Variants in SYN3 observed in about 807,000 individuals in gnomAD.
SYN3 encodes the protein synapsin-3.
SYN3 carries 35 observed loss-of-function variants against 65.8 expected under a neutral mutation model. That is an observed-to-expected ratio of 0.53 (90% CI 0.41 to 0.70). The LOEUF (loss-of-function observed/expected upper bound fraction) is 0.70, where lower values mean the gene tolerates loss of function less well. Among genes scored for constraint, SYN3 ranks in the 30% least tolerant of loss-of-function variants. SYN3 has a pLI of 0.00. For synonymous variants in SYN3, 270 were observed against 292.9 expected (o/e 0.92, Z 0.80); for missense variants, 680 against 749.0 (o/e 0.91, Z 1.08).
chr22:32,877,651 G>A (rs137496), intron 4 of SYN3, among the ~76,000 whole-genome samples: 152,245 of 152,248 alleles, frequency 1, 76,121 homozygotes, highest in Middle Eastern at 1. Flanking sequence ...CCTGCTGCAG[G>A]GCTCCTCTTG....
intron 6 of SYN3, among the ~76,000 whole-genome samples, chr22:32,824,339 A>G (rs971267331): frequency 5.6e-5 from 7 of 125,136 alleles, no homozygotes; most frequent in African/African-American, 2.1e-4. Flanking sequence ...CAGTTCCATC[A>G]GTGTTGTGAC....
intron 6 of SYN3, among the ~76,000 whole-genome samples, chr22:32,845,604 C>A (rs964355330): frequency 1.3e-5 from 2 of 152,172 alleles, no homozygotes; most frequent in African/African-American, 4.8e-5. Flanking sequence ...ATGTTCCAGA[C>A]ACCAACCTAG....
At position 32,522,633 on chromosome 22, in the gene SYN3, C is replaced by T. The variant is rs527398540; in HGVS notation, c.1319-4299G>A. Among the ~76,000 whole-genome samples the T allele has an allele frequency of 1.9e-4, 29 of 152,272 alleles. No homozygotes were observed. In the South Asian group the frequency reaches 5.4e-3, roughly 28 times the overall value. ...CATGAAAAGCAATATGTATAAGACA[C>T]ACGTTATTAATAGTAAGCATTATGT... On this transcript the variant is annotated intron_variant, in intron 12 of 13. Transcript: ENST00000358763.
chr22:32,781,020 T>C (rs1384828204), intron 6 of SYN3, among the ~76,000 whole-genome samples: 6 of 72,180 alleles, frequency 8.3e-5, no homozygotes, highest in Non-Finnish European at 1.1e-4. Context: ...TCTTTCTTTC[T>C]CTCTCTCTTT....
intron 1 of SYN3, among the ~76,000 whole-genome samples, chr22:33,022,763 A>G (rs577792628): frequency 6.6e-6 from 1 of 152,286 alleles, no homozygotes; most frequent in Non-Finnish European, 1.5e-5. Context: ...TTTATTTGCA[A>G]CCACTCCCAC....
At chr22:32,957,306 A>G (rs1347263714) in intron 3 of SYN3, among the ~76,000 whole-genome samples, 1 of 152,172 alleles carries the variant, frequency 6.6e-6, no homozygotes, top group African/African-American at 2.4e-5. Flanking sequence ...CCTGGCTGAC[A>G]CACCTGATGC....
intron 7 of SYN3, among the ~76,000 whole-genome samples, chr22:32,564,427 T>C (rs116787506): frequency 0.015 from 2,296 of 152,324 alleles, 55 homozygotes; most frequent in African/African-American, 0.053. Context: ...CCAGCCTTTA[T>C]TGAATGCTTT....
At chr22:32,967,378 C>T (rs1326164444) in intron 3 of SYN3, among the ~76,000 whole-genome samples, 1 of 152,172 alleles carries the variant, frequency 6.6e-6, no homozygotes, top group East Asian at 1.9e-4. Flanking sequence ...CATTGTAGGG[C>T]ACATAAACTC....
chr22:32,827,991 C>T (rs934257249), intron 6 of SYN3, among the ~76,000 whole-genome samples: 19 of 152,182 alleles, frequency 1.2e-4, no homozygotes, highest in African/African-American at 4.6e-4. Context: ...GTCTATTCCC[C>T]TTTGCCTCCT....
intron 9 of SYN3, among the ~76,000 whole-genome samples, chr22:32,536,127 C>A (rs1447800795): frequency 1.3e-5 from 2 of 152,212 alleles, no homozygotes; most frequent in Non-Finnish European, 2.9e-5. Context: ...GTGAGTGGCT[C>A]AGGAGGCACT....
chr22:32,664,991 CTTTTTT>C (rs564943069), intron 6 of SYN3, among the ~76,000 whole-genome samples: 25 of 68,948 alleles, frequency 3.6e-4, no homozygotes, highest in African/African-American at 1.5e-3. Flanking sequence ...ATGTATAATT[CTTTTTT>C]TTTTTTTTTT....
intron 6 of SYN3, among the ~76,000 whole-genome samples, chr22:32,626,924 G>A (rs2146787996): frequency 6.6e-6 from 1 of 152,174 alleles, no homozygotes; most frequent in East Asian, 1.9e-4. Context: ...TGAGGTCCCT[G>A]GACACCTGGT....
chr22:32,935,949 G>A (rs888673926), intron 3 of SYN3, among the ~76,000 whole-genome samples: 1 of 152,152 alleles, frequency 6.6e-6, no homozygotes, highest in African/African-American at 2.4e-5. Context: ...ATGTTTTTGT[G>A]ATGATTCAAG....
At chr22:32,969,191 C>A (rs1164109665) in intron 3 of SYN3, among the ~76,000 whole-genome samples, 2 of 152,196 alleles carry the variant, frequency 1.3e-5, no homozygotes, top group Admixed American at 6.5e-5. Flanking sequence ...GACTCCCATG[C>A]CTCCTTCCTT....
At chr22:32,545,258 T>A (rs994820803) in intron 7 of SYN3, among the ~76,000 whole-genome samples, 1 of 152,242 alleles carries the variant, frequency 6.6e-6, no homozygotes, top group African/African-American at 2.4e-5. Context: ...GGGCTGCTTT[T>A]GTGCAGAGCA....
intron 2 of SYN3, among the ~76,000 whole-genome samples, chr22:33,004,853 G>T (rs565540756): frequency 6.6e-6 from 1 of 152,134 alleles, no homozygotes; most frequent in Non-Finnish European, 1.5e-5. Context: ...GGAATGATAT[G>T]GTTTGGCTGT....
rs117193578 is a variant in SYN3, at chr22:32,752,445, C to T, written c.711+112470G>A. On this transcript the variant is annotated intron_variant, in intron 6 of 13. Transcript: ENST00000358763. Reference sequence around the variant, plus strand: ...AGAGCTGGCCTGCCTCTGGCCCCAGCCTCCCTTCAGCCCCCTCAGCACAAG... The same window carrying T: ...AGAGCTGGCCTGCCTCTGGCCCCAGTCTCCCTTCAGCCCCCTCAGCACAAG... Among the ~76,000 whole-genome samples the T allele has an allele frequency of 6.6e-5, 10 of 152,366 alleles. 1 individual carries two copies. In the East Asian group the frequency reaches 1.9e-3, roughly 29 times the overall value.
intron 6 of SYN3, among the ~76,000 whole-genome samples, chr22:32,770,393 T>C (rs767639661): frequency 1.3e-5 from 2 of 152,080 alleles, no homozygotes; most frequent in Non-Finnish European, 2.9e-5. Context: ...ATAAACTCCT[T>C]ACCATGAGCC....
At chr22:32,711,625 A>G (rs1449858886) in intron 6 of SYN3, among the ~76,000 whole-genome samples, 1 of 152,100 alleles carries the variant, frequency 6.6e-6, no homozygotes, top group African/African-American at 2.4e-5. Context: ...ACTCAAAATA[A>G]CTGCCTATGC....
Sources: gnomAD v4.1 joint callset for allele counts (sites outside exome capture counted in the v4.1 genomes callset) on GRCh38, gnomAD v4.1.1 for gene constraint, MANE v1.5 for transcripts, NCBI Gene and HGNC (gene_info 2026-07-23, HGNC 2026-07-21) for gene names.